The following ACSM2A variants were observed in gnomAD, a reference collection of about 807,000 sequenced individuals.
The protein encoded by ACSM2A is acyl-coenzyme A synthetase ACSM2A, mitochondrial.
In ACSM2A, 72 loss-of-function variants were observed where a neutral mutation model predicts 76.6. The ratio of observed to expected loss-of-function variants is 0.94; its 90% CI spans 0.78 to 1.14. The LOEUF (loss-of-function observed/expected upper bound fraction) is 1.14. Among genes scored for constraint, ACSM2A ranks in the 50% most tolerant of loss-of-function variants. ACSM2A has a pLI of 0.00. For synonymous variants in ACSM2A, 249 were observed against 255.9 expected, an observed-to-expected ratio of 0.97 and a Z score of 0.26; for missense variants, 684 against 708.5, an observed-to-expected ratio of 0.97 and a Z score of 0.39.
intron 1 of ACSM2A, among the ~76,000 whole-genome samples, chr16:20,455,828 T>A (rs551126890): frequency 6.6e-6 from 1 of 151,752 alleles, no homozygotes; most frequent in Admixed American, 6.6e-5. Context: ...GTAAACGGCC[T>A]AAGTACTCCA....
intron 2 of ACSM2A, 30 bp from the exon 3 acceptor site, chr16:20,465,487 C>G (rs570406541): frequency 1.2e-6 from 2 of 1,612,042 alleles, no homozygotes; most frequent in South Asian, 1.1e-5. Flanking sequence ...TACCAATGCC[C>G]CCTGATCAAC....
At chr16:20,458,914 A>AG (rs2012413122) in intron 1 of ACSM2A, among the ~76,000 whole-genome samples, 1 of 59,256 alleles carries the variant, frequency 1.7e-5, no homozygotes, top group Non-Finnish European at 2.9e-5. Context: ...GCATATATAT[A>AG]TATATATATA....
In ACSM2A at chr16:20,486,717, T is replaced by G; in HGVS notation, c.*39T>G. On this transcript the variant is annotated 3_prime_UTR_variant, in exon 14 of 14. Transcript: ENST00000573854. ...CATTCATTTGGATTCCCCTCTTCTT[T>G]CTCTTTCTTTTCCCTTTGGGCCCTT... is the stretch of plus-strand genomic sequence containing the variant. 1 of 1,609,618 alleles carries G rather than the reference T, an allele frequency of 6.2e-7. No individual in the cohort carries two copies. The highest frequency in any genetic ancestry group is 8.5e-7 in the Non-Finnish European group (1 of 1,176,282).
intron 10 of ACSM2A, among the ~76,000 whole-genome samples, chr16:20,480,244 G>A (rs2285629): frequency 0.29 from 43,416 of 151,996 alleles, 7,395 homozygotes; most frequent in East Asian, 0.59. Flanking sequence ...TATGGAGTGA[G>A]CAGAGATTAG....
chr16:20,464,562 A>C (rs570320366), intron 2 of ACSM2A, among the ~76,000 whole-genome samples: 3 of 152,062 alleles, frequency 2.0e-5, no homozygotes, highest in African/African-American at 7.2e-5. Flanking sequence ...AAACAACCAG[A>C]TCTTATGATC....
At chr16:20,478,305 G>A (rs2013869440) in intron 9 of ACSM2A, among the ~76,000 whole-genome samples, 1 of 152,148 alleles carries the variant, frequency 6.6e-6, no homozygotes, top group Non-Finnish European at 1.5e-5. Flanking sequence ...GATAAGAGGA[G>A]GCTATTACTT....
chr16:20,486,904 GA>G lies in ACSM2A; in HGVS notation c.*230del. The G allele has an allele frequency of 2.2e-6, 1 of 453,502 alleles. No individual in the cohort carries two copies. The highest frequency in any genetic ancestry group is 3.6e-5 in the East Asian group (1 of 27,606). The allele number at this position is 453,502 out of a possible 1,614,324, so 28.1% of individuals were successfully genotyped here. A position where few individuals can be genotyped will look rare whatever the true frequency, so the allele number is the denominator to read the frequency against. On this transcript the variant is annotated 3_prime_UTR_variant, in exon 14 of 14. Transcript: ENST00000573854. ...GAGAGGGTAACAGAAAAAAAGGAAA[GA>G]AAAGTAAGTCAGGGAAATATTAAAA...
At chr16:20,476,061 T>C in intron 8 of ACSM2A, 8 of 1,061,700 alleles carry the variant, frequency 7.5e-6, no homozygotes, top group East Asian at 5.2e-5. Flanking sequence ...AAAAGTAAAG[T>C]AGATGACATG....
In ACSM2A at chr16:20,453,691, C is replaced by T. The variant is rs1053986623; in HGVS notation, c.-9+2010C>T. Reference sequence around the variant, plus strand: ...CCATATTTTTCTTCTTGCAGAAAGCCTATAGAAGGATGTGCAAGTAGGAGA... The same window carrying T: ...CCATATTTTTCTTCTTGCAGAAAGCTTATAGAAGGATGTGCAAGTAGGAGA... On this transcript the variant is annotated intron_variant, in intron 1 of 13. Coordinates refer to ENST00000573854, the MANE Select transcript of ACSM2A (RefSeq NM_001308172.2). 8 of 126,578 alleles carry T rather than the reference C, an allele frequency of 6.3e-5. 2 individuals are homozygous for T. Among genetic ancestry groups the T allele is most frequent in the Non-Finnish European group, 1.1e-4 (7 of 61,724 alleles). The allele number at this position is 126,578 out of a possible 1,614,324, so 7.8% of individuals were successfully genotyped here.
In ACSM2A at chr16:20,460,269, A is replaced by G. The variant is rs776668743; in HGVS notation, c.155A>G (p.Asp52Gly). 1.2e-6 allele frequency: 2 copies of G among 1,613,692 alleles called. No individual in the cohort carries two copies. Among genetic ancestry groups the G allele is most frequent in the Non-Finnish European group, 1.7e-6 (2 of 1,179,770 alleles). Reference protein sequence around the residue: ...AKFNFASDVLDHWADMEKAGK... With the variant: ...AKFNFASDVLGHWADMEKAGK... ...TTTAACTTTGCTAGTGATGTGTTGG[A>G]TCACTGGGCTGACATGGAGAAGGTA... is the stretch of plus-strand genomic sequence containing the variant. Residue 52 changes from aspartate to glycine, a missense_variant, in exon 2 of 14, where the codon GAT becomes GGT. This residue lies in a region of ACSM2A where 519 missense variants were observed against 549.5 expected (regional missense o/e 0.94). Transcript: ENST00000573854.
chr16:20,467,592 G>A (rs1433330576), intron 3 of ACSM2A, among the ~76,000 whole-genome samples: 2 of 152,140 alleles, frequency 1.3e-5, no homozygotes, highest in Admixed American at 1.3e-4. Context: ...TTATTCAAAG[G>A]AGATGCGAGG....
rs550591285 is a variant in ACSM2A, at chr16:20,465,662, G to A, written c.323G>A (p.Arg108His). 24 of 1,613,998 alleles carry A rather than the reference G, an allele frequency of 1.5e-5. No individual in the cohort carries two copies. Among genetic ancestry groups the A allele is most frequent in the South Asian group, 8.8e-5 (8 of 91,072 alleles). ...SGACGLQRGD[R>H]VAVVLPRVPE... ...GCCTGTGGCCTGCAGCGTGGGGATC[G>A]TGTGGCAGTGGTGCTGCCCCGAGTG... Residue 108 changes from arginine to histidine, a missense_variant, in exon 3 of 14, where the codon CGT becomes CAT. Arg to His is a conservative substitution (Grantham distance 29, BLOSUM62 0). Transcript: ENST00000573854.
intron 8 of ACSM2A, chr16:20,476,762 T>C (rs901750759): frequency 3.0e-6 from 3 of 1,010,290 alleles, no homozygotes; most frequent in African/African-American, 3.4e-5. Context: ...TGACAATCTA[T>C]GTCTCTGTCA....
rs183726353 is a variant in ACSM2A, at chr16:20,486,913, G to A, written c.*235G>A. ...ACAGAAAAAAAGGAAAGAAAAGTAA[G>A]TCAGGGAAATATTAAAACTGCAAGG... On this transcript the variant is annotated 3_prime_UTR_variant, in exon 14 of 14. Transcript: ENST00000573854. 2 of 429,496 alleles carry A rather than the reference G, an allele frequency of 4.7e-6. No individual in the cohort carries two copies. The highest frequency in any genetic ancestry group is 3.8e-5 in the East Asian group (1 of 26,028). 26.6% of individuals were successfully genotyped at this position (429,496 alleles called of 1,614,324 possible).
Position 20,469,635 on chromosome 16 carries a change from C to T in ACSM2A, c.512C>T (p.Ala171Val). ...DEVIQEVDTV[A>V]SECPSLRIKL... Reference sequence around the variant, plus strand: ...GTCATCCAAGAAGTGGACACAGTGGCATCTGAATGTCCTTCTCTGAGAATT... The same window carrying T: ...GTCATCCAAGAAGTGGACACAGTGGTATCTGAATGTCCTTCTCTGAGAATT... Residue 171 changes from alanine (A) to valine (V), a missense_variant, in exon 4 of 14, where the codon GCA becomes GTA. Transcript: ENST00000573854. The T allele has an allele frequency of 3.7e-6, 6 of 1,613,904 alleles. No homozygotes were observed. Among genetic ancestry groups the T allele is most frequent in the Non-Finnish European group, 5.1e-6 (6 of 1,179,830 alleles).
chr16:20,457,746 G>T (rs2012280174), intron 1 of ACSM2A, among the ~76,000 whole-genome samples: 1 of 151,964 alleles, frequency 6.6e-6, no homozygotes, highest in African/African-American at 2.4e-5. Flanking sequence ...TTCCCTCTGA[G>T]AACTAGAACA....
At chr16:20,469,406 T>G in intron 3 of ACSM2A, 106 bp from the exon 4 acceptor site, 1 of 1,545,808 alleles carries the variant, frequency 6.5e-7, no homozygotes, top group Non-Finnish European at 8.7e-7. Flanking sequence ...CATTACTTCC[T>G]CATCCTCTCC....
chr16:20,460,860 G>A (rs539112821), intron 2 of ACSM2A, among the ~76,000 whole-genome samples: 1 of 125,758 alleles, frequency 8.0e-6, no homozygotes, highest in East Asian at 3.8e-4. Context: ...GGGCAAATCA[G>A]CACTGAACAA....
intron 13 of ACSM2A, among the ~76,000 whole-genome samples, chr16:20,485,528 G>T (rs1426812854): frequency 6.6e-6 from 1 of 152,152 alleles, no homozygotes; most frequent in Non-Finnish European, 1.5e-5. Context: ...GGTCTTTGTT[G>T]CAACTACTCA....
Sources: gnomAD v4.1 joint callset for allele counts (sites outside exome capture counted in the v4.1 genomes callset) on GRCh38, gnomAD v4.1.1 for gene constraint, gnomAD v4.1.1 regional missense constraint, MANE v1.5 for transcripts, NCBI Gene and HGNC (gene_info 2026-07-23, HGNC 2026-07-21) for gene names.